Variants in ARHGAP15 observed in about 807,000 individuals in gnomAD.
ARHGAP15 encodes the protein rho GTPase-activating protein 15.
ARHGAP15 carries 51 observed loss-of-function variants against 63.7 expected under a neutral mutation model. The ratio of observed to expected loss-of-function variants is 0.80; its 90% CI spans 0.64 to 1.01. The LOEUF is 1.01. Among genes scored for constraint, ARHGAP15 ranks in the 50% least tolerant of loss-of-function variants. The pLI is 0.00. For missense variants in ARHGAP15, 560 were observed against 564.6 expected, an observed-to-expected ratio of 0.99 and a Z score of 0.08; for synonymous variants, 191 against 193.8, an observed-to-expected ratio of 0.99 and a Z score of 0.12.
intron 6 of ARHGAP15, among the ~76,000 whole-genome samples, chr2:143,418,007 C>A (rs376585796): frequency 1.3e-5 from 2 of 152,274 alleles, no homozygotes; most frequent in East Asian, 3.9e-4. Flanking sequence ...ATCTGTAGAA[C>A]AAGAAACTCA....
intron 12 of ARHGAP15, among the ~76,000 whole-genome samples, chr2:143,660,594 G>A (rs181219511): frequency 2.8e-4 from 43 of 152,282 alleles, no homozygotes; most frequent in African/African-American, 8.4e-4. Flanking sequence ...CTCACTTAGC[G>A]ACAGACCTGT....
chr2:143,459,653 A>G (rs1464715569), intron 8 of ARHGAP15, among the ~76,000 whole-genome samples: 5 of 152,170 alleles, frequency 3.3e-5, no homozygotes, highest in Non-Finnish European at 5.9e-5. Flanking sequence ...TTTTAAAAAA[A>G]AGATTGTACT....
Position 143,768,131 on chromosome 2 carries a change from CTGAG to C in ARHGAP15, c.1393_1396del (p.Glu465ThrfsTer33). On this transcript the variant is annotated frameshift_variant, in exon 14 of 14. Coordinates refer to ENST00000295095, the MANE Select transcript of ARHGAP15 (RefSeq NM_018460.4). LOFTEE classifies it high-confidence loss of function. ...CCAGAACCAGATAGCTGAGCTCATG[CTGAG>C]TGAGTACAGTAAGATCTTCGGCTCA... The C allele has an allele frequency of 1.2e-6, 2 of 1,613,756 alleles. No individual in the cohort carries two copies. Among genetic ancestry groups the C allele is most frequent in the Non-Finnish European group, 1.7e-6 (2 of 1,179,748 alleles).
At chr2:143,437,179 T>C in intron 8 of ARHGAP15, 137 bp downstream of exon 8, 2 of 1,009,432 alleles carry the variant, frequency 2.0e-6, no homozygotes, top group East Asian at 5.4e-5. Context: ...GGCCAGGGAT[T>C]TGTGCACTGG....
chr2:143,513,639 T>G (rs925265781), intron 9 of ARHGAP15, among the ~76,000 whole-genome samples: 1 of 152,236 alleles, frequency 6.6e-6, no homozygotes, highest in Admixed American at 6.5e-5. Flanking sequence ...ATTTTTCATC[T>G]TGATCTCTCA....
intron 1 of ARHGAP15, among the ~76,000 whole-genome samples, chr2:143,140,611 A>G (rs768118914): frequency 6.6e-6 from 1 of 152,156 alleles, no homozygotes; most frequent in Non-Finnish European, 1.5e-5. Flanking sequence ...AAGGGAACAT[A>G]TAAAAGGAAA....
chr2:143,458,384 T>A (rs1008378383), intron 8 of ARHGAP15, among the ~76,000 whole-genome samples: 3 of 152,166 alleles, frequency 2.0e-5, no homozygotes, highest in African/African-American at 7.2e-5. Flanking sequence ...ACTTGAAATC[T>A]AAGTAGGACC....
At chr2:143,655,784 C>G (rs1204269602) in intron 12 of ARHGAP15, among the ~76,000 whole-genome samples, 1 of 152,108 alleles carries the variant, frequency 6.6e-6, no homozygotes, top group Non-Finnish European at 1.5e-5. Flanking sequence ...CAGTTTGACT[C>G]TTGGCAGTCA....
chr2:143,592,060 G>A lies in ARHGAP15; in HGVS notation c.1004-32073G>A, dbSNP rs116277999. On this transcript the variant is annotated intron_variant, in intron 11 of 13. Transcript: ENST00000295095. ...TATTTATTAAATTCAATGTTTCCTG[G>A]ATAATATGCCCTTTCTGAATGACAG... Among the ~76,000 whole-genome samples the A allele has an allele frequency of 6.5e-3, 995 of 152,076 alleles. 11 individuals are homozygous for A. The highest frequency in any genetic ancestry group is 0.023 in the African/African-American group (956 of 41,482).
rs548946710 is a variant in ARHGAP15 at position 143,548,876 on chromosome 2, TGAAAA to T, written c.926-7525_926-7521del. Among the ~76,000 whole-genome samples, 87 of 151,660 alleles carry T rather than the reference TGAAAA, an allele frequency of 5.7e-4. 1 individual carries two copies. The highest frequency in any genetic ancestry group is 2.7e-3 in the South Asian group (13 of 4,804). ...CAAAAAACCAAAATGAGATAAAAAT[TGAAAA>T]GAAAAGGCTCACGAAAGAAATGGAA... is the stretch of plus-strand genomic sequence containing the variant. On this transcript the variant is annotated intron_variant, in intron 10 of 13. Transcript: ENST00000295095.
chr2:143,611,056 A>C lies in ARHGAP15; in HGVS notation c.1004-13077A>C, dbSNP rs569623626. On this transcript the variant is annotated intron_variant, in intron 11 of 13. Coordinates refer to ENST00000295095, the MANE Select transcript of ARHGAP15 (RefSeq NM_018460.4). The stretch of plus-strand genomic sequence containing the variant: ...TTACAGTGTATGTAAGACTAACACT[A>C]CTCCTCTAGAAACAAGGCTGTATAC... 4.5e-4 allele frequency among the ~76,000 whole-genome samples: 68 copies of C among 152,052 alleles called. 2 individuals carry two copies. In the South Asian group the frequency reaches 0.014, roughly 31 times the overall value.
chr2:143,283,851 T>C (rs140481819), intron 6 of ARHGAP15, among the ~76,000 whole-genome samples: 17 of 152,286 alleles, frequency 1.1e-4, no homozygotes, highest in African/African-American at 4.1e-4. Context: ...TGGGCTTTCA[T>C]TCTTCTTGAT....
chr2:143,699,224 T>C (rs1013489140), intron 12 of ARHGAP15, among the ~76,000 whole-genome samples: 6 of 152,202 alleles, frequency 3.9e-5, no homozygotes, highest in African/African-American at 1.4e-4. Flanking sequence ...TTACAAGCTA[T>C]GGAAGAGTGG....
chr2:143,459,093 A>G (rs1231371308), intron 8 of ARHGAP15, among the ~76,000 whole-genome samples: 1 of 152,162 alleles, frequency 6.6e-6, no homozygotes, highest in Non-Finnish European at 1.5e-5. Context: ...TAAGGTTGCT[A>G]GTGGCTTCAA....
chr2:143,629,290 TATATCTCAGAATC>T (rs1191358726), intron 12 of ARHGAP15, among the ~76,000 whole-genome samples: 1 of 152,100 alleles, frequency 6.6e-6, no homozygotes, highest in Non-Finnish European at 1.5e-5. Flanking sequence ...GGGATTGTTT[TATATCTCAGAATC>T]CAAGTACAGC....
At chr2:143,750,981 A>C (rs747108145) in intron 13 of ARHGAP15, among the ~76,000 whole-genome samples, 32 of 152,222 alleles carry the variant, frequency 2.1e-4, no homozygotes, top group Non-Finnish European at 4.4e-4. Flanking sequence ...GCTCCACATT[A>C]GATGTCAGGT....
chr2:143,201,270 A>ACC (rs1258206612), intron 2 of ARHGAP15, among the ~76,000 whole-genome samples: 12 of 151,744 alleles, frequency 7.9e-5, no homozygotes, highest in Non-Finnish European at 1.6e-4. Flanking sequence ...GGTGTGTGCC[A>ACC]CCATGCCTAG....
chr2:143,301,641 G>C, intron 6 of ARHGAP15, among the ~76,000 whole-genome samples: 1 of 151,818 alleles, frequency 6.6e-6, no homozygotes, highest in East Asian at 1.9e-4. Flanking sequence ...CACCATTTCT[G>C]GGTTGCAAAG....
intron 6 of ARHGAP15, among the ~76,000 whole-genome samples, chr2:143,254,893 ACAATATAGGCC>A (rs751863941): frequency 5.4e-4 from 82 of 152,034 alleles, no homozygotes; most frequent in Non-Finnish European, 1.1e-3. Flanking sequence ...ATTTGTATCC[ACAATATAGGCC>A]CTGTACTCCA....
Sources: gnomAD v4.1 joint callset for allele counts (sites outside exome capture counted in the v4.1 genomes callset) on GRCh38, gnomAD v4.1.1 for gene constraint, MANE v1.5 for transcripts, NCBI Gene and HGNC (gene_info 2026-07-23, HGNC 2026-07-21) for gene names.